PAPPA2: variants seen among roughly 807,000 people sequenced by gnomAD.
PAPPA2 encodes the protein pappalysin-2.
PAPPA2 carries 86 observed loss-of-function variants against 176.4 expected under a neutral mutation model. That is an observed-to-expected ratio of 0.49 (90% CI 0.41 to 0.58). PAPPA2 has a LOEUF of 0.58. Among genes scored for constraint, PAPPA2 ranks in the 20% least tolerant of loss-of-function variants. The pLI is 0.00. For missense variants in PAPPA2, 2,073 were observed against 2,256.9 expected (o/e 0.92, Z 1.65); for synonymous variants, 809 against 852.2 (o/e 0.95, Z 0.88).
chr1:176,757,169 G>A (rs189846171), intron 14 of PAPPA2, among the ~76,000 whole-genome samples: 7 of 152,236 alleles, frequency 4.6e-5, no homozygotes, highest in South Asian at 4.1e-4. Flanking sequence ...ATAAACATAC[G>A]TGTGCACGTG....
chr1:176,553,541 A>G (rs1651092492), intron 1 of PAPPA2: 1 of 152,148 alleles, frequency 6.6e-6, no homozygotes, highest in Admixed American at 6.5e-5. Flanking sequence ...GAGCAAAGGA[A>G]TGAAGGGAGA....
At chr1:176,493,371 G>A (rs1476823741) in intron 1 of PAPPA2, among the ~76,000 whole-genome samples, 1 of 152,134 alleles carries the variant, frequency 6.6e-6, no homozygotes, top group African/African-American at 2.4e-5. Context: ...TAGCGAATGA[G>A]TTTTTGTACA....
At chr1:176,807,559 G>A (rs922550012) in intron 21 of PAPPA2, among the ~76,000 whole-genome samples, 4 of 150,006 alleles carry the variant, frequency 2.7e-5, no homozygotes, top group South Asian at 4.2e-4. Context: ...GCAGTGGTGC[G>A]GTCTTGGCTC....
At chr1:176,739,220 C>G (rs1283685136) in intron 12 of PAPPA2, among the ~76,000 whole-genome samples, 1 of 152,110 alleles carries the variant, frequency 6.6e-6, no homozygotes, top group Admixed American at 6.6e-5. Context: ...GAGCAAGATG[C>G]TAGTTTGATG....
intron 21 of PAPPA2, among the ~76,000 whole-genome samples, chr1:176,801,977 T>G (rs139107223): frequency 1.5e-3 from 234 of 152,240 alleles, no homozygotes; most frequent in Non-Finnish European, 2.6e-3. Flanking sequence ...GCTGGGCTGA[T>G]GTCTCCTCTG....
chr1:176,590,423 T>TA lies in PAPPA2; in HGVS notation c.920-4100dup, dbSNP rs149854040. On this transcript the variant is annotated intron_variant, in intron 2 of 22. Transcript: ENST00000367662. ...CAAATCAGGACTTGGATTTTTTTTT[T>TA]ATCTTCAGAGGACCAGTTGTTAAAT... Among the ~76,000 whole-genome samples, 103 of 152,334 alleles carry TA rather than the reference T, an allele frequency of 6.8e-4. 1 individual carries two copies. In the East Asian group the frequency reaches 0.018, roughly 26 times the overall value.
intron 21 of PAPPA2, among the ~76,000 whole-genome samples, chr1:176,836,957 A>C (rs1435761376): frequency 7.9e-5 from 12 of 152,170 alleles, no homozygotes; most frequent in Non-Finnish European, 1.6e-4. Context: ...TGAATGACTG[A>C]CTATACCCAT....
intron 2 of PAPPA2, among the ~76,000 whole-genome samples, chr1:176,564,075 C>CA (rs1275914589): frequency 2.0e-5 from 3 of 152,192 alleles, no homozygotes; most frequent in Non-Finnish European, 2.9e-5. Context: ...TTGTCCCCCC[C>CA]AGTAAAATCC....
At chr1:176,725,888 T>TC (rs1661846518) in intron 12 of PAPPA2, among the ~76,000 whole-genome samples, 2 of 152,162 alleles carry the variant, frequency 1.3e-5, no homozygotes, top group South Asian at 4.1e-4. Context: ...TCACACGTTC[T>TC]CCCGCCTCAC....
intron 17 of PAPPA2, among the ~76,000 whole-genome samples, chr1:176,786,647 A>C (rs1436582309): frequency 6.6e-6 from 1 of 152,196 alleles, no homozygotes; most frequent in Admixed American, 6.5e-5. Flanking sequence ...AAAACTGTGG[A>C]GCACGCCAGG....
intron 3 of PAPPA2, among the ~76,000 whole-genome samples, chr1:176,600,940 C>A (rs1410878394): frequency 6.6e-6 from 1 of 152,174 alleles, no homozygotes; most frequent in African/African-American, 2.4e-5. Context: ...CTTCCCAAAT[C>A]CTGTTCAATC....
intron 4 of PAPPA2, among the ~76,000 whole-genome samples, chr1:176,672,638 A>G (rs1417362366): frequency 6.6e-6 from 1 of 152,176 alleles, no homozygotes; most frequent in Non-Finnish European, 1.5e-5. Context: ...ATGAAAATCC[A>G]CAGAGTGAAT....
chr1:176,627,338 A>G (rs945804664), intron 3 of PAPPA2, among the ~76,000 whole-genome samples: 24 of 152,212 alleles, frequency 1.6e-4, no homozygotes, highest in African/African-American at 4.8e-4. Context: ...TTAAAAAGCT[A>G]TCTGAAAGAA....
At chr1:176,610,676 T>C (rs746364631) in intron 3 of PAPPA2, among the ~76,000 whole-genome samples, 4 of 152,106 alleles carry the variant, frequency 2.6e-5, no homozygotes, top group Non-Finnish European at 5.9e-5. Flanking sequence ...ACATACAAGG[T>C]CTGGGGGAGA....
intron 21 of PAPPA2, among the ~76,000 whole-genome samples, chr1:176,830,063 G>A (rs1408961295): frequency 6.6e-6 from 1 of 152,166 alleles, no homozygotes; most frequent in Non-Finnish European, 1.5e-5. Flanking sequence ...TACCTGGGAG[G>A]CAAAGGGACA....
At chr1:176,534,294 G>T (rs553671188) in intron 1 of PAPPA2, among the ~76,000 whole-genome samples, 2 of 152,134 alleles carry the variant, frequency 1.3e-5, no homozygotes, top group African/African-American at 2.4e-5. Context: ...AGGTTCTAAT[G>T]TTAGAGTCTG....
At chr1:176,476,941 A>G (rs544800395) in intron 1 of PAPPA2, among the ~76,000 whole-genome samples, 1 of 152,268 alleles carries the variant, frequency 6.6e-6, no homozygotes, top group African/African-American at 2.4e-5. Flanking sequence ...ACCTGATGCC[A>G]TGTTGGTGAG....
intron 3 of PAPPA2, among the ~76,000 whole-genome samples, chr1:176,636,906 A>G (rs1244325949): frequency 2.6e-5 from 4 of 152,178 alleles, no homozygotes; most frequent in African/African-American, 9.6e-5. Context: ...GGTAGTGGGA[A>G]TAGATAAAAT....
Position 176,721,872 on chromosome 1 carries a change from C to T in PAPPA2, c.3798+9891C>T, listed in dbSNP as rs536051355. ...TTTTTTTTCTTGGTTGCCAAATATA[C>T]ATACATTACACCTTTTTTTGTGTAT... On this transcript the variant is annotated intron_variant, in intron 12 of 22. Transcript: ENST00000367662. Among the ~76,000 whole-genome samples, 59 of 152,008 alleles carry T rather than the reference C, an allele frequency of 3.9e-4. 1 individual carries two copies. In the Middle Eastern group the frequency reaches 0.01, roughly 26 times the overall value.
Sources: gnomAD v4.1 joint callset for allele counts (sites outside exome capture counted in the v4.1 genomes callset) on GRCh38, gnomAD v4.1.1 for gene constraint, MANE v1.5 for transcripts, NCBI Gene and HGNC (gene_info 2026-07-23, HGNC 2026-07-21) for gene names.